Variants in ARID3C observed in about 807,000 individuals in gnomAD.
ARID3C encodes AT-rich interaction domain 3C, also known as AT-rich interactive domain-containing protein 3C.
ARID3C carries 42 observed loss-of-function variants against 37.9 expected under a neutral mutation model. That is an observed-to-expected ratio of 1.11 (90% CI 0.87 to 1.43). ARID3C has a LOEUF of 1.43. Among genes scored for constraint, ARID3C ranks in the 40% most tolerant of loss-of-function variants. The probability of loss-of-function intolerance (pLI) is 0.00; values close to 1 mark genes in which losing one functional copy is unlikely to be tolerated. For synonymous variants in ARID3C, 213 were observed against 228.0 expected, an observed-to-expected ratio of 0.93 and a Z score of 0.59; for missense variants, 581 against 548.8, an observed-to-expected ratio of 1.06 and a Z score of -0.59.
At chr9:34,629,466 T>C (rs1260431774), upstream of ARID3C, among the ~76,000 whole-genome samples, 1 of 152,236 alleles carries the variant, frequency 6.6e-6, no homozygotes, top group Non-Finnish European at 1.5e-5. Flanking sequence ...AAGAGGGGAA[T>C]CCCTCTGCAA....
intron 4 of ARID3C, 52 bp downstream of exon 5, chr9:34,623,373 C>A: frequency 6.8e-7 from 1 of 1,463,596 alleles, no homozygotes; most frequent in East Asian, 2.5e-5. Context: ...TATATCTTAG[C>A]GCCCACCTAA....
Position 34,625,678 on chromosome 9 carries a change from C to T in ARID3C, c.391+64G>A, listed in dbSNP as rs75756563. 1,314 of 1,591,060 alleles carry T rather than the reference C, an allele frequency of 8.3e-4. 13 individuals are homozygous for T. In the African/African-American group the frequency reaches 0.015, roughly 18 times the overall value. ...CAGGCCTCAGCAGGGAGAACCCAAC[C>T]GGGTTTCCTCAAACCTGGTAAGGGG... On this transcript the variant is annotated intron_variant, in intron 2 of 6. Coordinates refer to ENST00000378909, the Ensembl canonical transcript of ARID3C.
At chr9:34,631,908 C>G (rs1046453803), upstream of ARID3C, among the ~76,000 whole-genome samples, 5 of 152,162 alleles carry the variant, frequency 3.3e-5, no homozygotes, top group Admixed American at 1.3e-4. Context: ...CTGTTCCCCC[C>G]GCAATATGGG....
At chr9:34,630,056 C>T (rs997213265), upstream of ARID3C, among the ~76,000 whole-genome samples, 9 of 152,190 alleles carry the variant, frequency 5.9e-5, no homozygotes, top group Non-Finnish European at 1.2e-4. Flanking sequence ...AGCTACCGTA[C>T]CCAGCCTGTA....
At chr9:34,625,718 C>G (rs1280032576) in intron 2 of ARID3C, 24 bp downstream of exon 3, 1 of 1,613,526 alleles carries the variant, frequency 6.2e-7, no homozygotes, top group Admixed American at 1.7e-5. Context: ...TTCCAGGGCC[C>G]TTCCCCCACA....
downstream of ARID3C, chr9:34,621,256 TGGCCAGG>T: frequency 2.2e-6 from 1 of 464,314 alleles, no homozygotes; most frequent in South Asian, 4.3e-5. Context: ...CTGCTGGAAT[TGGCCAGG>T]GAGGAGGTGC....
upstream of ARID3C, among the ~76,000 whole-genome samples, chr9:34,632,925 C>A (rs1012330922): frequency 7.9e-5 from 12 of 151,934 alleles, no homozygotes; most frequent in Admixed American, 3.9e-4. Context: ...TAGGCTGAGA[C>A]AAAAATTTAG....
At position 34,622,183 on chromosome 9, in the gene ARID3C, C is replaced by G; in HGVS notation, c.1049-74G>C. On this transcript the variant is annotated intron_variant, in intron 5 of 6. Transcript: ENST00000378909. ...GACTTATTAATAGAATTTCCCCCCT[C>G]CATCCCCGTAGACAGCCCCCATTCC... 3.8e-6 allele frequency: 6 copies of G among 1,592,782 alleles called. No homozygotes were observed. In the South Asian group the frequency reaches 5.5e-5, roughly 15 times the overall value.
rs1352451568 is a variant in ARID3C at position 34,623,172 on chromosome 9, G to GA, written c.865+252dup. On this transcript the variant is annotated intron_variant, in intron 4 of 6. Transcript: ENST00000378909. ...CAAAAAAAAAAAAAAAAGAAAAAAA[G>GA]AAAAAAAAGGACCTTTTCCTGAACT... is the stretch of plus-strand genomic sequence containing the variant. Among the ~76,000 whole-genome samples, 8 of 146,172 alleles carry GA rather than the reference G, an allele frequency of 5.5e-5. No homozygotes were observed. In the South Asian group the frequency reaches 1.3e-3, roughly 24 times the overall value.
chr9:34,625,755 G>C (rs568084594), exon 2 of ARID3C: 42 of 1,613,952 alleles, frequency 2.6e-5, no homozygotes, highest in Non-Finnish European at 3.4e-5. Context: ...TCTTTTGCAT[G>C]AAGCTAAACA....
At chr9:34,627,886 C>A (rs778342913) in exon 1 of ARID3C, 18 of 1,569,606 alleles carry the variant, frequency 1.1e-5, no homozygotes, top group Non-Finnish European at 1.6e-5. Flanking sequence ...TCCCCAAGGC[C>A]CCCTCAGGGG....
At position 34,622,114 on chromosome 9, in the gene ARID3C, C is replaced by A; in HGVS notation, c.1049-5G>T. The A allele has an allele frequency of 6.2e-7, 1 of 1,613,912 alleles. No homozygotes were observed. Among genetic ancestry groups the A allele is most frequent in the Middle Eastern group, 1.6e-4 (1 of 6,062 alleles). Reference sequence around the variant, plus strand: ...GAGGCCCATCCAGCCGCTCTTCTGTCCAGGAGGGGGCAGAGGAATCACATT... The same window carrying A: ...GAGGCCCATCCAGCCGCTCTTCTGTACAGGAGGGGGCAGAGGAATCACATT... On this transcript the variant is annotated splice_region_variant and splice_polypyrimidine_tract_variant and intron_variant, in intron 5 of 6. Transcript: ENST00000378909.
chr9:34,628,167 GGGA>G, upstream of ARID3C: 1 of 1,031,108 alleles, frequency 9.7e-7, no homozygotes, highest in Non-Finnish European at 1.3e-6. This position sits in a 1 kb window ranked among gnomAD's most constrained non-coding sequence, Gnocchi z 5.2. Context: ...CATGGATTCA[GGGA>G]AGTGCAGGGG....
At chr9:34,622,032 C>T in exon 6 of ARID3C, 1 of 1,614,142 alleles carries the variant, frequency 6.2e-7, no homozygotes, top group Non-Finnish European at 8.5e-7. Flanking sequence ...GTGTAGACCA[C>T]CCCGTTGATC....
At chr9:34,627,114 C>T (rs897575301) in intron 1 of ARID3C, among the ~76,000 whole-genome samples, 8 of 152,170 alleles carry the variant, frequency 5.3e-5, no homozygotes, top group Non-Finnish European at 7.3e-5. Flanking sequence ...AACTATCATC[C>T]GTGGAACTCA....
At chr9:34,629,086 G>T (rs1253492672), upstream of ARID3C, among the ~76,000 whole-genome samples, 1 of 152,100 alleles carries the variant, frequency 6.6e-6, no homozygotes, top group East Asian at 1.9e-4. Flanking sequence ...GGCCGCGGGG[G>T]CGGGACCCGA....
At chr9:34,622,052 A>G in exon 6 of ARID3C, 2 of 1,614,136 alleles carry the variant, frequency 1.2e-6, no homozygotes, top group South Asian at 1.1e-5. Flanking sequence ...CTCTAGGGCC[A>G]TGTTGATACT....
At chr9:34,627,883 G>A (rs1221520197) in exon 1 of ARID3C, 1 of 1,569,840 alleles carries the variant, frequency 6.4e-7, no homozygotes, top group African/African-American at 1.4e-5. Flanking sequence ...CATTCCCCAA[G>A]GCCCCCTCAG....
rs1332721114 is a variant in ARID3C at position 34,628,007 on chromosome 9, G to A, written c.8C>T (p.Ala3Val). ...CCGAGCTGCCTGCTGCTTCTGCAGG[G>A]CCTCCATGACAGCTTCCAGGCGCAG... is the stretch of plus-strand genomic sequence containing the variant. The change falls in exon 1 of 7, where the codon GCC (alanine) becomes GTC (valine). Residue 3 changes from alanine (A) to valine (V), a missense_variant. Coordinates refer to ENST00000378909, the Ensembl canonical transcript of ARID3C. This position sits in a 1 kb window ranked among gnomAD's most constrained non-coding sequence, Gnocchi z 5.2. 19 of 1,496,458 alleles carry A rather than the reference G, an allele frequency of 1.3e-5. No individual in the cohort carries two copies. Among genetic ancestry groups the A allele is most frequent in the Non-Finnish European group, 1.5e-5 (17 of 1,120,518 alleles). The allele number at this position is 1,496,458 out of a possible 1,614,324, so 92.7% of individuals were successfully genotyped here. A position where few individuals can be genotyped will look rare whatever the true frequency, so the allele number is the denominator to read the frequency against.
Sources: allele counts gnomAD v4.1 joint callset (sites outside exome capture counted in the v4.1 genomes callset), GRCh38; gene constraint gnomAD v4.1.1; non-coding constraint Gnocchi (gnomAD v3.1); transcripts MANE v1.5; gene names NCBI Gene and HGNC (gene_info 2026-07-23, HGNC 2026-07-21).